The following CACNA1G variants were observed in gnomAD, a reference collection of about 807,000 sequenced individuals.
The protein encoded by CACNA1G is calcium voltage-gated channel subunit alpha1 G, also known as voltage-dependent T-type calcium channel subunit alpha-1G.
CACNA1G carries 67 observed loss-of-function variants against 219.4 expected under a neutral mutation model. That is an observed-to-expected ratio of 0.31 (90% CI 0.25 to 0.37). The LOEUF (loss-of-function observed/expected upper bound fraction) is 0.37. Among genes scored for constraint, CACNA1G ranks in the 10% least tolerant of loss-of-function variants. The pLI, the probability that CACNA1G is intolerant of heterozygous loss-of-function variation, is 1.00. For synonymous variants in CACNA1G, 1,296 were observed against 1,345.3 expected (o/e 0.96, Z 0.80); for missense variants, 2,380 against 3,231.4 (o/e 0.74, Z 6.39).
At chr17:50,584,622 G>T (rs1460569532) in intron 9 of CACNA1G, among the ~76,000 whole-genome samples, 1 of 151,680 alleles carries the variant, frequency 6.6e-6, no homozygotes, top group African/African-American at 2.4e-5. Flanking sequence ...GGTGACAGGG[G>T]GGCGGCGGGG....
chr17:50,596,406 T>TG lies in CACNA1G; in HGVS notation c.2980-150dup, dbSNP rs1405363651. On this transcript the variant is annotated intron_variant, in intron 14 of 37. Coordinates refer to ENST00000359106, the MANE Select transcript of CACNA1G (RefSeq NM_018896.5). The surrounding 1 kb of genome is among the most constrained non-coding windows in gnomAD (Gnocchi z 4.8). ...CCTGGGAAGCCTCGGGCCCCAAGCC[T>TG]GGGGGGTCTGGCCTGCGCCGTGCAT... 1.3e-5 allele frequency among the ~76,000 whole-genome samples: 2 copies of TG among 151,916 alleles called. No individual in the cohort carries two copies. Among genetic ancestry groups the TG allele is most frequent in the Non-Finnish European group, 2.9e-5 (2 of 67,964 alleles).
chr17:50,575,185 C>T (rs951552795), intron 7 of CACNA1G, among the ~76,000 whole-genome samples: 83 of 152,330 alleles, frequency 5.4e-4, no homozygotes, highest in African/African-American at 1.9e-3. Flanking sequence ...AGGGGTGCTG[C>T]GTCTCTGCAG....
chr17:50,624,485 C>T lies in CACNA1G; in HGVS notation c.6355C>T (p.Pro2119Ser). The T allele has an allele frequency of 6.2e-7, 1 of 1,600,540 alleles. No individual in the cohort carries two copies. The highest frequency in any genetic ancestry group is 8.5e-7 in the Non-Finnish European group (1 of 1,174,080). The change falls in exon 37 of 38, where the codon CCA becomes TCA. Residue 2119 changes from proline (P) to serine (S), a missense_variant. Physicochemically the swap from Pro to Ser is moderately conservative, Grantham distance 74 (BLOSUM62 -1). This residue lies in a region of CACNA1G where 672 missense variants were observed against 670.5 expected (regional missense o/e 1.00). Coordinates refer to ENST00000359106, the MANE Select transcript of CACNA1G (RefSeq NM_018896.5). ...CTGGGGCACCATCCCCAAACTGCCC[C>T]CACCAGGACGCTCCCCTTTGGCTCA... ...PTWGTIPKLPPPGRSPLAQRP... is the reference protein window; with the variant it reads ...PTWGTIPKLPSPGRSPLAQRP...
At chr17:50,619,388 TC>T (rs1395708767) in intron 33 of CACNA1G, among the ~76,000 whole-genome samples, 1 of 152,050 alleles carries the variant, frequency 6.6e-6, no homozygotes, top group African/African-American at 2.4e-5. Flanking sequence ...CATCTCTCCA[TC>T]CTTTTATCTT....
intron 33 of CACNA1G, 116 bp from the exon 34 acceptor site, chr17:50,619,567 G>A: frequency 3.4e-6 from 3 of 894,592 alleles, no homozygotes; most frequent in Middle Eastern, 2.2e-4. Context: ...TTGTCTGGGT[G>A]TCACCTCTTT....
chr17:50,586,371 G>A (rs1463456835), intron 9 of CACNA1G, among the ~76,000 whole-genome samples: 2 of 152,334 alleles, frequency 1.3e-5, no homozygotes, highest in South Asian at 2.1e-4. Context: ...GATCTGGGCA[G>A]ACAACTTGAT....
At chr17:50,569,601 T>A (rs1438163147) in intron 3 of CACNA1G, 105 bp from the exon 4 acceptor site, 8 of 800,830 alleles carry the variant, frequency 1.0e-5, no homozygotes, top group Non-Finnish European at 1.6e-5. Context: ...GAAGAAGGAG[T>A]CAGAGGTCAT....
At chr17:50,605,058 T>G (rs2047664050) in intron 22 of CACNA1G, among the ~76,000 whole-genome samples, 1 of 152,062 alleles carries the variant, frequency 6.6e-6, no homozygotes, top group Admixed American at 6.5e-5. Flanking sequence ...CTGGGGTGCA[T>G]TTACCAAAGC....
In CACNA1G at chr17:50,578,268, T is replaced by C; in HGVS notation, c.2005T>C (p.Tyr669His). 1.2e-6 allele frequency: 2 copies of C among 1,612,828 alleles called. No homozygotes were observed. Among genetic ancestry groups the C allele is most frequent in the African/African-American group, 2.7e-5 (2 of 75,020 alleles). The change falls in exon 9 of 38, where the codon TAC (tyrosine) becomes CAC (histidine). Residue 669 changes from tyrosine (Y) to histidine (H), a missense_variant. Coordinates refer to ENST00000359106, the MANE Select transcript of CACNA1G (RefSeq NM_018896.5). The surrounding 1 kb of genome is among the most constrained non-coding windows in gnomAD (Gnocchi z 4.5). ...SGACGPDSCP[Y>H]CARAGAGEVE... The stretch of plus-strand genomic sequence containing the variant: ...AGCCTGTGGTCCAGACAGCTGCCCC[T>C]ACTGTGCCCGGGCCGGGGCAGGGGA...
intron 13 of CACNA1G, among the ~76,000 whole-genome samples, chr17:50,592,648 T>A (rs923819603): frequency 2.6e-5 from 4 of 152,192 alleles, no homozygotes; most frequent in African/African-American, 9.7e-5. Context: ...GGCAGCGTCA[T>A]CAATTAATAT....
intron 4 of CACNA1G, among the ~76,000 whole-genome samples, chr17:50,570,964 G>T (rs565764910): frequency 1.3e-5 from 2 of 152,212 alleles, no homozygotes. Flanking sequence ...TGGCACTTTG[G>T]GGGTGAAGCC....
chr17:50,610,038 C>T, intron 26 of CACNA1G, 103 bp downstream of exon 26: 3 of 1,191,128 alleles, frequency 2.5e-6, no homozygotes, highest in Non-Finnish European at 3.6e-6. Context: ...GGTGAGGGTC[C>T]CTGGGGCCCC....
chr17:50,605,334 G>A (rs1008771073), intron 22 of CACNA1G, among the ~76,000 whole-genome samples: 18 of 152,172 alleles, frequency 1.2e-4, no homozygotes, highest in African/African-American at 4.1e-4. Context: ...GCTACCTGCT[G>A]GCTATGGGAC....
At chr17:50,588,878 C>T (rs192655192) in intron 9 of CACNA1G, among the ~76,000 whole-genome samples, 9 of 152,288 alleles carry the variant, frequency 5.9e-5, no homozygotes, top group Non-Finnish European at 1.0e-4. Flanking sequence ...CCCCTTGTTC[C>T]GAGTCTTTTC....
At chr17:50,619,066 G>A (rs1358063775) in intron 33 of CACNA1G, 58 bp downstream of exon 33, 4 of 1,348,842 alleles carry the variant, frequency 3.0e-6, no homozygotes, top group Admixed American at 2.6e-5. Context: ...GGGTGTGGAG[G>A]GTGGTGGGCG....
chr17:50,569,068 C>T, intron 2 of CACNA1G, 87 bp downstream of exon 2: 1 of 1,546,002 alleles, frequency 6.5e-7, no homozygotes, highest in Non-Finnish European at 8.8e-7. Flanking sequence ...TACTCCTCTG[C>T]AAGAGGCCCT....
chr17:50,623,063 A>G (rs2052553538), intron 35 of CACNA1G, among the ~76,000 whole-genome samples: 1 of 145,920 alleles, frequency 6.9e-6, no homozygotes, highest in Non-Finnish European at 1.5e-5. Flanking sequence ...CCCCACTGAC[A>G]GCACAGGGTC....
rs1307543107 is a variant in CACNA1G, at chr17:50,572,021, C to T, written c.730C>T (p.Pro244Ser). Reference sequence around the variant, plus strand: ...GCTGCTTCGGAACCGATGCTTCCTACCTGAGAATTTCAGCCTGTGAGTGGT... The same window carrying T: ...GCTGCTTCGGAACCGATGCTTCCTATCTGAGAATTTCAGCCTGTGAGTGGT... ...AGLLRNRCFL[P>S]ENFSLPLSVD... The change falls in exon 5 of 38, where the codon CCT (proline) becomes TCT (serine). Residue 244 changes from proline to serine, a missense_variant. Pro to Ser is a moderately conservative substitution (Grantham distance 74). This residue lies in a region of CACNA1G where 56 missense variants were observed against 135.8 expected (regional missense o/e 0.41). Coordinates refer to ENST00000359106, the MANE Select transcript of CACNA1G (RefSeq NM_018896.5). 1 of 1,613,752 alleles carries T rather than the reference C, an allele frequency of 6.2e-7. No individual in the cohort carries two copies. Among genetic ancestry groups the T allele is most frequent in the East Asian group, 2.2e-5 (1 of 44,888 alleles).
At position 50,561,348 on chromosome 17, in the gene CACNA1G, A is replaced by G; in HGVS notation, c.-112A>G. On this transcript the variant is annotated 5_prime_UTR_variant, in exon 1 of 38. Transcript: ENST00000359106. ...CTCCCGGGGGCTCAGCTTGCGCCCT[A>G]GAGCCCACCAGATGTGCCCCCGCCG... 3.6e-6 allele frequency: 5 copies of G among 1,384,930 alleles called. No homozygotes were observed. The highest frequency in any genetic ancestry group is 1.3e-5 in the South Asian group (1 of 78,810). 85.8% of individuals were successfully genotyped at this position (1,384,930 alleles called of 1,614,324 possible).
Sources: allele counts gnomAD v4.1 joint callset (sites outside exome capture counted in the v4.1 genomes callset), GRCh38; gene constraint gnomAD v4.1.1; regional missense constraint gnomAD v4.1.1; non-coding constraint Gnocchi (gnomAD v3.1); transcripts MANE v1.5; gene names NCBI Gene and HGNC (gene_info 2026-07-23, HGNC 2026-07-21).